The following GIT2 variants were observed in gnomAD, a reference collection of about 807,000 sequenced individuals.
GIT2 encodes ARF GTPase-activating protein GIT2.
Under a neutral mutation model 100.3 loss-of-function variants are expected in GIT2, and 32 were observed. That is an observed-to-expected ratio of 0.32 (90% CI 0.24 to 0.43). GIT2 has a LOEUF of 0.43. Among genes scored for constraint, GIT2 ranks in the 20% least tolerant of loss-of-function variants. The pLI is 1.00. For synonymous variants in GIT2, 353 were observed against 364.1 expected (o/e 0.97, Z 0.35); for missense variants, 737 against 975.1 (o/e 0.76, Z 3.25).
rs139962389 is a variant in GIT2, at chr12:109,978,165, C to T, written c.718+2787G>A. ...TGGCTCAATCTGGACTCACTGCAAC[C>T]TCTACCTCCCAGGTTCAAGTGATTC... On this transcript the variant is annotated intron_variant, in intron 7 of 19. Coordinates refer to ENST00000355312, the MANE Select transcript of GIT2 (RefSeq NM_057169.5). Among the ~76,000 whole-genome samples, 1,422 of 148,960 alleles carry T rather than the reference C, an allele frequency of 9.5e-3. 15 individuals are homozygous for T. Among genetic ancestry groups the T allele is most frequent in the Middle Eastern group, 0.021 (6 of 286 alleles).
At chr12:109,935,001 C>T (rs1369035402) in intron 18 of GIT2, among the ~76,000 whole-genome samples, 2 of 152,012 alleles carry the variant, frequency 1.3e-5, no homozygotes, top group Non-Finnish European at 2.9e-5. Context: ...TCGCTTGAAC[C>T]CGGGAGGCAG....
chr12:109,984,413 AAAAAAAT>A (rs1886941260), intron 4 of GIT2, among the ~76,000 whole-genome samples: 1 of 151,922 alleles, frequency 6.6e-6, no homozygotes, highest in South Asian at 2.1e-4. Context: ...CCCTGTCTCA[AAAAAAAT>A]AAAAAATAAA....
chr12:109,938,393 T>C lies in GIT2; in HGVS notation c.1990A>G (p.Asn664Asp). Residue 664 changes from asparagine to aspartate, a missense_variant, in exon 18 of 20, where the codon AAT (asparagine) becomes GAT (aspartate). Asn to Asp is a conservative substitution (Grantham distance 23). Coordinates refer to ENST00000355312, the MANE Select transcript of GIT2 (RefSeq NM_057169.5). Reference protein sequence around the residue: ...IQELLRAAQENKHDSYIPCSE... With the variant: ...IQELLRAAQEDKHDSYIPCSE... ...AATCCTGCTTACCTGTCATGTTTAT[T>C]TTCTTGGGCTGCTCTTAAGAGCTCC... The C allele has an allele frequency of 6.2e-7, 1 of 1,612,598 alleles. No homozygotes were observed. Among genetic ancestry groups the C allele is most frequent in the African/African-American group, 1.3e-5 (1 of 74,946 alleles).
chr12:109,961,073 T>C, intron 11 of GIT2, among the ~76,000 whole-genome samples: 1 of 152,232 alleles, frequency 6.6e-6, no homozygotes, highest in Admixed American at 6.5e-5. Flanking sequence ...TTATATTTCT[T>C]CTGTGAATTG....
At chr12:109,996,819 T>C (rs1167214611), upstream of GIT2, among the ~76,000 whole-genome samples, 1 of 152,196 alleles carries the variant, frequency 6.6e-6, no homozygotes, top group Non-Finnish European at 1.5e-5. Context: ...GGCTCACTCT[T>C]GTAATCTCAA....
At chr12:109,963,118 A>T (rs552404214) in intron 9 of GIT2, among the ~76,000 whole-genome samples, 1 of 152,362 alleles carries the variant, frequency 6.6e-6, no homozygotes, top group Non-Finnish European at 1.5e-5. Flanking sequence ...TACAATTATG[A>T]TTAAGTTCCA....
intron 7 of GIT2, among the ~76,000 whole-genome samples, chr12:109,971,802 G>C (rs1038097113): frequency 3.3e-5 from 5 of 151,750 alleles, no homozygotes; most frequent in Non-Finnish European, 5.9e-5. Flanking sequence ...AGAGCAGCCT[G>C]GCCAACATGG....
At chr12:109,951,058 T>A in intron 14 of GIT2, 109 bp downstream of exon 14, 1 of 927,570 alleles carries the variant, frequency 1.1e-6, no homozygotes, top group Non-Finnish European at 1.7e-6. Flanking sequence ...TTTCTAAGGC[T>A]GTTACAATAA....
chr12:109,940,065 CCTG>C (rs1481251369), intron 16 of GIT2: 2 of 152,196 alleles, frequency 1.3e-5, no homozygotes, highest in Non-Finnish European at 2.9e-5. Flanking sequence ...TCTCCTGCCT[CCTG>C]CTACCTCCAA....
intron 18 of GIT2, among the ~76,000 whole-genome samples, chr12:109,937,795 A>G (rs1800644429): frequency 6.6e-6 from 1 of 152,146 alleles, no homozygotes; most frequent in South Asian, 2.1e-4. Context: ...CTCCGCCTCC[A>G]GGGTTCCAGA....
rs1243631634 is a variant in GIT2 at position 109,962,590 on chromosome 12, T to C, written c.817-905A>G. ...GGGCACATGGAGGATAATTGAGGTC[T>C]TCCTGGCCCAGATGAGGTTAAGCCT... On this transcript the variant is annotated intron_variant, in intron 9 of 19. Transcript: ENST00000355312. This position sits in a 1 kb window ranked among gnomAD's most constrained non-coding sequence, Gnocchi z 4.3. 6.6e-6 allele frequency among the ~76,000 whole-genome samples: 1 copy of C among 152,170 alleles called. No homozygotes were observed. Among genetic ancestry groups the C allele is most frequent in the African/African-American group, 2.4e-5 (1 of 41,442 alleles).
chr12:109,942,917 A>G (rs1875204547), intron 16 of GIT2: 1 of 152,234 alleles, frequency 6.6e-6, no homozygotes, highest in South Asian at 2.1e-4. Context: ...ATTTAATTGT[A>G]TCAAAAATAT....
At chr12:109,939,474 A>C (rs1873961418) in intron 16 of GIT2, 1 of 402,122 alleles carries the variant, frequency 2.5e-6, no homozygotes, top group Non-Finnish European at 4.7e-6. Context: ...GCCACTTCCT[A>C]ATCAGATCCT....
At chr12:109,986,624 G>C (rs907493788) in intron 4 of GIT2, among the ~76,000 whole-genome samples, 12 of 152,174 alleles carry the variant, frequency 7.9e-5, no homozygotes, top group African/African-American at 2.9e-4. Flanking sequence ...AATTAGCCGG[G>C]TGTGGTGGCG....
chr12:109,952,745 A>G, intron 13 of GIT2: 1 of 465,478 alleles, frequency 2.1e-6, no homozygotes, highest in South Asian at 1.7e-5. Flanking sequence ...CGTATGACAC[A>G]CATCACTTTG....
chr12:109,981,325 C>T, intron 6 of GIT2: 1 of 308,696 alleles, frequency 3.2e-6, no homozygotes. Context: ...TACAGAATGA[C>T]TTAATTTAAT....
chr12:109,997,873 TGAA>T (rs1229521553), upstream of GIT2: 4 of 152,230 alleles, frequency 2.6e-5, no homozygotes, highest in Non-Finnish European at 5.9e-5. Context: ...TAAATCAGTG[TGAA>T]GGAGAAAGGA....
At chr12:109,941,600 C>G (rs1874721380) in intron 16 of GIT2, among the ~76,000 whole-genome samples, 1 of 151,900 alleles carries the variant, frequency 6.6e-6, no homozygotes, top group African/African-American at 2.4e-5. Context: ...AGGCTCACTG[C>G]AACCTCCGCC....
At position 109,945,278 on chromosome 12, in the gene GIT2, C is replaced by T; in HGVS notation, c.1713G>A (p.Arg571=). ...PSFPSTLSWS[R]DESARRASRL... Reference sequence around the variant, plus strand: ...ACTTAACCCTTCGGGCGCTTTCGTCCCTCGACCAGGAAAGTGTGGAGGGGA... The same window carrying T: ...ACTTAACCCTTCGGGCGCTTTCGTCTCTCGACCAGGAAAGTGTGGAGGGGA... The change falls in exon 16 of 20, where the codon AGG becomes AGA. Residue 571 remains arginine (R), a synonymous_variant. Transcript: ENST00000355312. The T allele has an allele frequency of 1.3e-6, 2 of 1,565,722 alleles. No individual in the cohort carries two copies. Among genetic ancestry groups the T allele is most frequent in the Non-Finnish European group, 1.8e-6 (2 of 1,136,148 alleles).
Sources: allele counts gnomAD v4.1 joint callset (sites outside exome capture counted in the v4.1 genomes callset), GRCh38; gene constraint gnomAD v4.1.1; non-coding constraint Gnocchi (gnomAD v3.1); transcripts MANE v1.5; gene names NCBI Gene and HGNC (gene_info 2026-07-23, HGNC 2026-07-21).